Variants in ZNF609 observed in about 807,000 individuals in gnomAD.
The protein encoded by ZNF609 is zinc finger protein 609.
Under a neutral mutation model 109.5 loss-of-function variants are expected in ZNF609, and 11 were observed. The observed-to-expected ratio is 0.10, with a 90% CI of 0.06 to 0.17. The LOEUF is 0.17. ZNF609 is among the 10% of genes least tolerant of loss of function. The pLI is 1.00. For synonymous variants in ZNF609, 646 were observed against 662.0 expected, an observed-to-expected ratio of 0.98 and a Z score of 0.37; for missense variants, 1,559 against 1,772.4, an observed-to-expected ratio of 0.88 and a Z score of 2.16.
chr15:64,617,906 C>T (rs1337851716), intron 2 of ZNF609, among the ~76,000 whole-genome samples: 1 of 152,166 alleles, frequency 6.6e-6, no homozygotes, highest in African/African-American at 2.4e-5. Flanking sequence ...TTGTTTACCT[C>T]CCTAGTAAGC....
chr15:64,507,211 G>A (rs962490455), intron 2 of ZNF609, among the ~76,000 whole-genome samples: 3 of 152,160 alleles, frequency 2.0e-5, no homozygotes, highest in Non-Finnish European at 4.4e-5. Context: ...CTGGAGTAGT[G>A]CTAAGTGTTT....
chr15:64,500,224 A>G, intron 2 of ZNF609, 58 bp downstream of exon 2: 1 of 1,585,024 alleles, frequency 6.3e-7, no homozygotes, highest in Non-Finnish European at 8.6e-7. Context: ...GCCCTGGACT[A>G]ACTGCCAAAT....
At chr15:64,544,778 G>T (rs934849554) in intron 2 of ZNF609, among the ~76,000 whole-genome samples, 8 of 152,148 alleles carry the variant, frequency 5.3e-5, no homozygotes. Flanking sequence ...TACCAATCTA[G>T]CATGAAAGCC....
intron 2 of ZNF609, among the ~76,000 whole-genome samples, chr15:64,514,688 G>A (rs1258210700): frequency 6.6e-6 from 1 of 150,636 alleles, no homozygotes; most frequent in African/African-American, 2.4e-5. Flanking sequence ...TCCCAGGCTA[G>A]AGTGCAGTGG....
At chr15:64,647,184 A>C (rs1896348960) in intron 3 of ZNF609, among the ~76,000 whole-genome samples, 1 of 152,002 alleles carries the variant, frequency 6.6e-6, no homozygotes. Flanking sequence ...ATGAACCTTG[A>C]AAATACATGT....
At position 64,641,219 on chromosome 15, in the gene ZNF609, C is replaced by CTTTTTTTTTCT. The variant is rs1555424477; in HGVS notation, c.973+18176_973+18177insCTTTTTTTTTT. Among the ~76,000 whole-genome samples, 5 of 69,738 alleles carry CTTTTTTTTTCT rather than the reference C, an allele frequency of 7.2e-5. No homozygotes were observed. The East Asian group carries it at 2.9e-3, about 41-fold the overall frequency. 45.8% of individuals were successfully genotyped at this position (69,738 alleles called of 152,430 possible). On this transcript the variant is annotated intron_variant, in intron 3 of 9. Coordinates refer to ENST00000326648, the MANE Select transcript of ZNF609 (RefSeq NM_015042.2). ...TGGGTGTTAGTTACACTTGTGCTTT[C>CTTTTTTTTTCT]TTTTTTTTTTTTTTTGAGATGGAGT...
intron 1 of ZNF609, among the ~76,000 whole-genome samples, chr15:64,475,137 G>T (rs1596376395): frequency 9.5e-6 from 1 of 105,786 alleles, no homozygotes; most frequent in South Asian, 3.0e-4. Context: ...ATTCCTCTAA[G>T]TTACCCTGCA....
At chr15:64,537,973 G>A (rs757692305) in intron 2 of ZNF609, among the ~76,000 whole-genome samples, 102 of 152,070 alleles carry the variant, frequency 6.7e-4, no homozygotes, top group Admixed American at 1.1e-3. Flanking sequence ...AGGCATGGTG[G>A]CGCATGCCTG....
chr15:64,627,993 C>G (rs1010887856), intron 3 of ZNF609, among the ~76,000 whole-genome samples: 2 of 151,222 alleles, frequency 1.3e-5, no homozygotes, highest in Non-Finnish European at 2.9e-5. Context: ...TCTATGCAGG[C>G]CAGGTGTGGT....
At chr15:64,484,220 A>G (rs1893298853) in intron 1 of ZNF609, among the ~76,000 whole-genome samples, 1 of 152,212 alleles carries the variant, frequency 6.6e-6, no homozygotes, top group Admixed American at 6.5e-5. Flanking sequence ...CCAGGTAGTT[A>G]GGTCCCCAAA....
intron 2 of ZNF609, among the ~76,000 whole-genome samples, chr15:64,555,089 C>A (rs1006398814): frequency 2.8e-5 from 3 of 108,070 alleles, no homozygotes; most frequent in Non-Finnish European, 6.3e-5. Context: ...GAACAAGACA[C>A]CATCTCAAAA....
intron 2 of ZNF609, among the ~76,000 whole-genome samples, chr15:64,511,714 ATTT>A (rs980847553): frequency 2.2e-5 from 3 of 137,002 alleles, no homozygotes; most frequent in African/African-American, 5.3e-5. Context: ...CAAGCATGTA[ATTT>A]TTTTTTTTTT....
At chr15:64,485,371 C>T (rs1893317537) in intron 1 of ZNF609, among the ~76,000 whole-genome samples, 1 of 152,166 alleles carries the variant, frequency 6.6e-6, no homozygotes, top group Non-Finnish European at 1.5e-5. Flanking sequence ...AATGATTGGG[C>T]TACTCTTATA....
chr15:64,488,916 AAGAAAGAAAG>A (rs1566996237), intron 1 of ZNF609, among the ~76,000 whole-genome samples: 3 of 2,840 alleles, frequency 1.1e-3, no homozygotes, highest in Non-Finnish European at 7.8e-3. Flanking sequence ...CTACAAAAAA[AAGAAAGAAAG>A]AAAGAAAGAA....
chr15:64,486,942 C>T (rs972304728), intron 1 of ZNF609, among the ~76,000 whole-genome samples: 12 of 152,138 alleles, frequency 7.9e-5, no homozygotes, highest in African/African-American at 2.6e-4. Context: ...CTCTTACTGC[C>T]CTTCTCTTCG....
intron 2 of ZNF609, among the ~76,000 whole-genome samples, chr15:64,510,159 A>G (rs1349581368): frequency 2.0e-5 from 3 of 151,688 alleles, no homozygotes; most frequent in Non-Finnish European, 4.4e-5. Context: ...AAAAGACACC[A>G]TATTCACATA....
intron 2 of ZNF609, among the ~76,000 whole-genome samples, chr15:64,556,592 A>T (rs978563416): frequency 2.0e-5 from 3 of 152,192 alleles, no homozygotes; most frequent in African/African-American, 7.2e-5. Flanking sequence ...CCCTAATTAA[A>T]AATTTAACAG....
chr15:64,462,156 T>C (rs1446623988), intron 1 of ZNF609, among the ~76,000 whole-genome samples: 1 of 152,178 alleles, frequency 6.6e-6, no homozygotes, highest in Non-Finnish European at 1.5e-5. Context: ...GGGCTTGCCA[T>C]TGGAGGAGGC....
At chr15:64,564,909 G>A (rs1217526769) in intron 2 of ZNF609, among the ~76,000 whole-genome samples, 2 of 150,860 alleles carry the variant, frequency 1.3e-5, no homozygotes, top group Non-Finnish European at 3.0e-5. Context: ...GTGCAGTGGT[G>A]CGATCTCCGC....
Sources: gnomAD v4.1 joint callset for allele counts (sites outside exome capture counted in the v4.1 genomes callset) on GRCh38, gnomAD v4.1.1 for gene constraint, MANE v1.5 for transcripts, NCBI Gene and HGNC (gene_info 2026-07-23, HGNC 2026-07-21) for gene names.